The following MANBA variants were observed in gnomAD, a reference collection of about 807,000 sequenced individuals.
MANBA encodes the protein mannosidase beta.
Under a neutral mutation model 111.1 loss-of-function variants are expected in MANBA, and 83 were observed. That is an observed-to-expected ratio of 0.75 (90% CI 0.63 to 0.90). MANBA has a LOEUF of 0.90. Among genes scored for constraint, MANBA ranks in the 40% least tolerant of loss-of-function variants. MANBA has a pLI of 0.00. For synonymous variants in MANBA, 370 were observed against 378.7 expected (o/e 0.98, Z 0.27); for missense variants, 1,036 against 1,069.0 (o/e 0.97, Z 0.43).
At chr4:102,751,952 G>T in intron 1 of MANBA, 1 of 692,228 alleles carries the variant, frequency 1.4e-6, no homozygotes, top group African/African-American at 1.8e-5. Context: ...CGACCGTGCT[G>T]CAGAGGTCAT....
intron 4 of MANBA, among the ~76,000 whole-genome samples, chr4:102,718,045 G>C (rs1359265231): frequency 6.6e-6 from 1 of 152,234 alleles, no homozygotes; most frequent in Non-Finnish European, 1.5e-5. Context: ...CACAGTGGCA[G>C]AAATGAAATG....
chr4:102,732,772 C>T (rs1578947784), intron 1 of MANBA, among the ~76,000 whole-genome samples: 2 of 152,222 alleles, frequency 1.3e-5, no homozygotes, highest in Non-Finnish European at 2.9e-5. Flanking sequence ...CACATATTTA[C>T]AGACACAGGG....
At chr4:102,757,765 A>C (rs1255583858) in intron 1 of MANBA, among the ~76,000 whole-genome samples, 1 of 152,222 alleles carries the variant, frequency 6.6e-6, no homozygotes, top group Non-Finnish European at 1.5e-5. Flanking sequence ...TTAAAAAGGC[A>C]AATCTAATCA....
chr4:102,705,137 AGCT>A (rs1271029784), intron 5 of MANBA, among the ~76,000 whole-genome samples: 1 of 152,220 alleles, frequency 6.6e-6, no homozygotes, highest in African/African-American at 2.4e-5. Context: ...AGCAGGGACC[AGCT>A]GAAAGCCTGG....
intron 1 of MANBA, chr4:102,734,569 CT>C: frequency 6.2e-7 from 1 of 1,607,810 alleles, no homozygotes; most frequent in Non-Finnish European, 8.5e-7. Context: ...GCTACTGTTC[CT>C]TCTGTGAACA....
intron 4 of MANBA, among the ~76,000 whole-genome samples, chr4:102,721,685 T>C (rs1262337900): frequency 3.3e-5 from 5 of 152,152 alleles, no homozygotes; most frequent in Admixed American, 6.5e-5. Context: ...AGACAAATAC[T>C]GTATGATTCC....
At chr4:102,723,153 G>A (rs1284651944) in intron 3 of MANBA, 112 bp from the exon 4 acceptor site, 2 of 955,258 alleles carry the variant, frequency 2.1e-6, no homozygotes, top group East Asian at 2.6e-5. Flanking sequence ...GCCGATCTAG[G>A]TTTAGCCTCC....
chr4:102,634,494 T>G (rs1478785840), intron 16 of MANBA, among the ~76,000 whole-genome samples: 2 of 152,156 alleles, frequency 1.3e-5, no homozygotes, highest in South Asian at 4.1e-4. Flanking sequence ...CTAGTGGGCA[T>G]GCAGGCAGTG....
At chr4:102,648,996 TAC>T (rs1730215838) in intron 13 of MANBA, among the ~76,000 whole-genome samples, 1 of 152,144 alleles carries the variant, frequency 6.6e-6, no homozygotes, top group African/African-American at 2.4e-5. Context: ...AAGAAATCAG[TAC>T]AGTTATGTAT....
Position 102,635,849 on chromosome 4 carries a change from A to C in MANBA, c.2157+16T>G. On this transcript the variant is annotated intron_variant, in intron 15 of 16. Coordinates refer to ENST00000647097, the MANE Select transcript of MANBA (RefSeq NM_005908.4). ...AAAGTCTCCTTCGATCTTAGAAAACAATCCAAGTAACTTACACTGAGTGTC... is the reference window on the plus strand; with the variant it reads ...AAAGTCTCCTTCGATCTTAGAAAACCATCCAAGTAACTTACACTGAGTGTC... 2 of 1,607,866 alleles carry C rather than the reference A, an allele frequency of 1.2e-6. No individual in the cohort carries two copies. Among genetic ancestry groups the C allele is most frequent in the Non-Finnish European group, 1.7e-6 (2 of 1,174,304 alleles).
intron 11 of MANBA, among the ~76,000 whole-genome samples, chr4:102,658,448 C>T (rs1180599204): frequency 1.3e-5 from 2 of 152,222 alleles, no homozygotes; most frequent in Non-Finnish European, 2.9e-5. Flanking sequence ...GCTACTGAGT[C>T]AGATGGACCC....
At chr4:102,719,010 T>TTGTCTTGATAAGCATCTTAA (rs1560795082) in intron 4 of MANBA, among the ~76,000 whole-genome samples, 1 of 152,206 alleles carries the variant, frequency 6.6e-6, no homozygotes, top group Non-Finnish European at 1.5e-5. Context: ...TGTGCAAACA[T>TTGTCTTGATAAGCATCTTAA]TGTCTTGATA....
chr4:102,657,239 GTGGTAAT>G (rs1730605946), intron 12 of MANBA, among the ~76,000 whole-genome samples: 1 of 126,188 alleles, frequency 7.9e-6, no homozygotes, highest in African/African-American at 3.0e-5. Context: ...GGGGTGGGCG[GTGGTAAT>G]GGAATAGGAG....
chr4:102,697,154 G>A (rs1732753961), intron 5 of MANBA, among the ~76,000 whole-genome samples: 1 of 152,002 alleles, frequency 6.6e-6, no homozygotes, highest in African/African-American at 2.4e-5. Flanking sequence ...CAAGCAATGA[G>A]GAGACTAATC....
chr4:102,749,930 T>C (rs1723726195), intron 1 of MANBA, among the ~76,000 whole-genome samples: 1 of 152,216 alleles, frequency 6.6e-6, no homozygotes, highest in Non-Finnish European at 1.5e-5. Flanking sequence ...AAGCAAATCC[T>C]CCCATACCCT....
At chr4:102,688,100 T>G (rs1400241914) in intron 7 of MANBA, among the ~76,000 whole-genome samples, 1 of 152,188 alleles carries the variant, frequency 6.6e-6, no homozygotes, top group East Asian at 1.9e-4. Flanking sequence ...AAGTTCCTCT[T>G]CTTTCTCTGT....
intron 1 of MANBA, chr4:102,729,420 G>T: frequency 8.2e-7 from 1 of 1,226,080 alleles, no homozygotes; most frequent in Non-Finnish European, 1.2e-6. Flanking sequence ...CCAGGGAGCG[G>T]CTGTTGTCCA....
At chr4:102,706,745 A>G (rs1578922704) in intron 5 of MANBA, among the ~76,000 whole-genome samples, 1 of 152,308 alleles carries the variant, frequency 6.6e-6, no homozygotes, top group Admixed American at 6.5e-5. Context: ...TACAAAACAG[A>G]CAGATATAAT....
intron 5 of MANBA, among the ~76,000 whole-genome samples, chr4:102,705,360 C>A (rs375890577): frequency 6.6e-6 from 1 of 152,174 alleles, no homozygotes; most frequent in Non-Finnish European, 1.5e-5. Flanking sequence ...GAGAGTCTAG[C>A]CCCGAATGGA....
Sources: gnomAD v4.1 joint callset for allele counts (sites outside exome capture counted in the v4.1 genomes callset) on GRCh38, gnomAD v4.1.1 for gene constraint, MANE v1.5 for transcripts, NCBI Gene and HGNC (gene_info 2026-07-23, HGNC 2026-07-21) for gene names.